The following SLC39A11 variants were observed in gnomAD, a reference collection of about 807,000 sequenced individuals.
SLC39A11 encodes solute carrier family 39 member 11, also known as zinc transporter ZIP11.
A neutral mutation model predicts 36.1 loss-of-function variants in SLC39A11; 33 were observed. The observed-to-expected ratio is 0.91, with a 90% CI of 0.69 to 1.22. The LOEUF (loss-of-function observed/expected upper bound fraction) is 1.22. Among genes scored for constraint, SLC39A11 ranks in the 50% most tolerant of loss-of-function variants. SLC39A11 has a pLI of 0.00. For missense variants in SLC39A11, 432 were observed against 430.3 expected (o/e 1.00, Z -0.03); for synonymous variants, 166 against 170.3 (o/e 0.97, Z 0.20).
At chr17:72,876,157 G>C (rs569234731) in intron 5 of SLC39A11, among the ~76,000 whole-genome samples, 3 of 152,296 alleles carry the variant, frequency 2.0e-5, no homozygotes, top group African/African-American at 7.2e-5. Flanking sequence ...TTTCCTTCTT[G>C]TGATTTTGGG....
intron 3 of SLC39A11, among the ~76,000 whole-genome samples, chr17:73,061,664 C>T (rs1365440597): frequency 6.6e-6 from 1 of 152,178 alleles, no homozygotes; most frequent in Non-Finnish European, 1.5e-5. Context: ...TAGACAACTA[C>T]TTGGTCTTTT....
chr17:72,878,277 C>A (rs536146195), intron 5 of SLC39A11, among the ~76,000 whole-genome samples: 1 of 152,074 alleles, frequency 6.6e-6, no homozygotes, highest in East Asian at 1.9e-4. Flanking sequence ...CTCTGTCAAC[C>A]GACACTGTCA....
At chr17:72,811,915 CTT>C (rs1404727926) in intron 6 of SLC39A11, among the ~76,000 whole-genome samples, 4 of 152,156 alleles carry the variant, frequency 2.6e-5, no homozygotes, top group African/African-American at 9.7e-5. Context: ...GAGAATGTAA[CTT>C]TGCCATAAAA....
intron 4 of SLC39A11, among the ~76,000 whole-genome samples, chr17:72,963,327 C>T (rs546743641): frequency 1.3e-5 from 2 of 151,822 alleles, no homozygotes; most frequent in Non-Finnish European, 2.9e-5. Context: ...CCCGCCACCA[C>T]GCCCGGCTAA....
chr17:73,047,728 T>G (rs569750683), intron 3 of SLC39A11, among the ~76,000 whole-genome samples: 25 of 151,526 alleles, frequency 1.6e-4, no homozygotes, highest in Non-Finnish European at 2.8e-4. Flanking sequence ...AGCACTTTGG[T>G]AGGCTGAAGC....
At chr17:72,875,878 C>T (rs1486792230) in intron 5 of SLC39A11, among the ~76,000 whole-genome samples, 1 of 152,148 alleles carries the variant, frequency 6.6e-6, no homozygotes, top group Admixed American at 6.5e-5. Flanking sequence ...TAGACATGTC[C>T]ACCCAGTGTG....
intron 5 of SLC39A11, among the ~76,000 whole-genome samples, chr17:72,871,084 G>C (rs573012650): frequency 2.2e-5 from 3 of 137,540 alleles, no homozygotes; most frequent in Non-Finnish European, 4.6e-5. Flanking sequence ...GTTTTTCTGA[G>C]ACAGAGTCTC....
At chr17:72,702,027 GC>G (rs2072665847) in intron 7 of SLC39A11, among the ~76,000 whole-genome samples, 1 of 152,174 alleles carries the variant, frequency 6.6e-6, no homozygotes, top group South Asian at 2.1e-4. Context: ...GATTGCCTGA[GC>G]CTGGGAGATG....
intron 4 of SLC39A11, among the ~76,000 whole-genome samples, chr17:72,958,549 G>A (rs574571114): frequency 1.3e-5 from 2 of 152,206 alleles, no homozygotes; most frequent in South Asian, 2.1e-4. Context: ...GACATGAATA[G>A]ACAATTCTCA....
At chr17:72,739,771 C>A (rs2144065905) in intron 6 of SLC39A11, among the ~76,000 whole-genome samples, 1 of 152,170 alleles carries the variant, frequency 6.6e-6, no homozygotes, top group East Asian at 1.9e-4. Context: ...GCTTTAAAAT[C>A]GATACGCATT....
At chr17:72,918,888 C>T (rs2083478191) in intron 5 of SLC39A11, among the ~76,000 whole-genome samples, 1 of 151,986 alleles carries the variant, frequency 6.6e-6, no homozygotes, top group Non-Finnish European at 1.5e-5. Context: ...CATGGTGAAA[C>T]CCCATCTCTA....
At chr17:72,719,897 C>T (rs1219304966) in intron 7 of SLC39A11, among the ~76,000 whole-genome samples, 6 of 151,958 alleles carry the variant, frequency 3.9e-5, no homozygotes, top group Non-Finnish European at 5.9e-5. Flanking sequence ...TGCTGCCCGG[C>T]GGATGGGGGA....
intron 6 of SLC39A11, among the ~76,000 whole-genome samples, chr17:72,840,703 G>A (rs920428751): frequency 6.6e-6 from 1 of 152,122 alleles, no homozygotes; most frequent in East Asian, 1.9e-4. Flanking sequence ...GTTGCAGTGA[G>A]CTGAGATCGC....
At chr17:72,915,590 C>G (rs1044987245) in intron 5 of SLC39A11, among the ~76,000 whole-genome samples, 1 of 147,758 alleles carries the variant, frequency 6.8e-6, no homozygotes, top group Non-Finnish European at 1.5e-5. Flanking sequence ...AGACATCCCA[C>G]TCCCAATCCC....
At chr17:72,671,553 T>C (rs2071020841) in intron 7 of SLC39A11, among the ~76,000 whole-genome samples, 1 of 152,064 alleles carries the variant, frequency 6.6e-6, no homozygotes, top group African/African-American at 2.4e-5. Context: ...AAACTCAATC[T>C]CTACTAAAAA....
intron 4 of SLC39A11, among the ~76,000 whole-genome samples, chr17:72,956,496 A>T (rs2086255343): frequency 6.6e-6 from 1 of 152,234 alleles, no homozygotes; most frequent in South Asian, 2.1e-4. Flanking sequence ...TTTCCAAAGC[A>T]TTATGCTTTT....
At chr17:72,973,000 TC>T (rs1250918129) in intron 4 of SLC39A11, among the ~76,000 whole-genome samples, 4 of 151,744 alleles carry the variant, frequency 2.6e-5, no homozygotes, top group Non-Finnish European at 5.9e-5. Flanking sequence ...TCAACCGAGC[TC>T]CTGGACAGCG....
At chr17:72,694,197 G>A (rs1311445077) in intron 7 of SLC39A11, among the ~76,000 whole-genome samples, 1 of 152,126 alleles carries the variant, frequency 6.6e-6, no homozygotes, top group Non-Finnish European at 1.5e-5. Flanking sequence ...TCTCATGCTG[G>A]CTCTGCTGAG....
chr17:73,055,130 G>C (rs1197311773), intron 3 of SLC39A11, among the ~76,000 whole-genome samples: 1 of 152,184 alleles, frequency 6.6e-6, no homozygotes, highest in Non-Finnish European at 1.5e-5. Context: ...GAGTGTCCCT[G>C]TCCCAAGCCA....
Sources: allele counts gnomAD v4.1 joint callset (sites outside exome capture counted in the v4.1 genomes callset), GRCh38; gene constraint gnomAD v4.1.1; transcripts MANE v1.5; gene names NCBI Gene and HGNC (gene_info 2026-07-23, HGNC 2026-07-21).